CCDC68: variants seen among roughly 807,000 people sequenced by gnomAD.
CCDC68 encodes coiled-coil domain-containing protein 68.
CCDC68 carries 45 observed loss-of-function variants against 47.1 expected under a neutral mutation model. That is an observed-to-expected ratio of 0.96 (90% CI 0.75 to 1.23). The LOEUF (loss-of-function observed/expected upper bound fraction) is 1.23, where lower values mean the gene tolerates loss of function less well. Ranked by LOEUF, CCDC68 falls within the 50% of genes most tolerant of loss-of-function variation. CCDC68 has a pLI of 0.00. For synonymous variants in CCDC68, 131 were observed against 129.5 expected (o/e 1.01, Z -0.08); for missense variants, 353 against 373.6 (o/e 0.94, Z 0.45).
intron 7 of CCDC68, among the ~76,000 whole-genome samples, chr18:54,930,672 T>TCCCTCCC: frequency 2.0e-4 from 2 of 9,832 alleles, no homozygotes; most frequent in South Asian, 0.01. Flanking sequence ...CCTTCCTTCC[T>TCCCTCCC]TCCCTCCCTC....
intron 7 of CCDC68, among the ~76,000 whole-genome samples, chr18:54,932,847 T>C (rs1023954241): frequency 6.6e-6 from 1 of 152,300 alleles, no homozygotes; most frequent in South Asian, 2.1e-4. Flanking sequence ...GAAAGGGAGA[T>C]CTGGGAAGTT....
chr18:54,916,909 G>T (rs1242549952), intron 10 of CCDC68, among the ~76,000 whole-genome samples: 1 of 152,164 alleles, frequency 6.6e-6, no homozygotes, highest in Admixed American at 6.5e-5. Flanking sequence ...AAGATCTAAT[G>T]GTTTTATAAG....
Position 54,902,301 on chromosome 18 carries a change from T to C in CCDC68, c.*2057A>G, listed in dbSNP as rs1352256255. On this transcript the variant is annotated 3_prime_UTR_variant, in exon 12 of 12. Transcript: ENST00000591504. ...TTGACCTTAGAATAAGTTATTCTAA[T>C]GGAAATCATCAAGATTGTCAGGTCA... is the stretch of plus-strand genomic sequence containing the variant. 1 of 152,186 alleles carries C rather than the reference T, an allele frequency of 6.6e-6. No individual in the cohort carries two copies. Among genetic ancestry groups the C allele is most frequent in the Non-Finnish European group, 1.5e-5 (1 of 68,020 alleles). 9.4% of individuals were successfully genotyped at this position (152,186 alleles called of 1,614,324 possible). A position where few individuals can be genotyped will look rare whatever the true frequency, so the allele number is the denominator to read the frequency against.
intron 1 of CCDC68, among the ~76,000 whole-genome samples, chr18:54,952,379 G>T (rs2044633523): frequency 6.6e-6 from 1 of 152,168 alleles, no homozygotes; most frequent in Non-Finnish European, 1.5e-5. Context: ...TTCTGAGCTT[G>T]TCCTGGATTA....
chr18:54,919,033 A>G (rs550710041), intron 9 of CCDC68, among the ~76,000 whole-genome samples: 1 of 152,374 alleles, frequency 6.6e-6, no homozygotes, highest in African/African-American at 2.4e-5. Context: ...TCACTGAAAC[A>G]TCTAAAAAAC....
Position 54,904,273 on chromosome 18 carries a change from C to A in CCDC68, c.*85G>T. 1 of 1,060,726 alleles carries A rather than the reference C, an allele frequency of 9.4e-7. No homozygotes were observed. Among genetic ancestry groups the A allele is most frequent in the South Asian group, 1.4e-5 (1 of 73,562 alleles). 65.7% of individuals were successfully genotyped at this position (1,060,726 alleles called of 1,614,324 possible). ...TTCCATTTAAATAATGGCATTTTGCCATTTTAACATGAAACTTGGGCTGTG... is the reference window on the plus strand; with the variant it reads ...TTCCATTTAAATAATGGCATTTTGCAATTTTAACATGAAACTTGGGCTGTG... On this transcript the variant is annotated 3_prime_UTR_variant, in exon 12 of 12. Coordinates refer to ENST00000591504, the MANE Select transcript of CCDC68 (RefSeq NM_025214.3).
At chr18:54,918,808 C>T (rs1391775564) in intron 9 of CCDC68, among the ~76,000 whole-genome samples, 1 of 152,218 alleles carries the variant, frequency 6.6e-6, no homozygotes, top group Non-Finnish European at 1.5e-5. Context: ...CGCCATCTAG[C>T]TGGCTGTTAC....
intron 11 of CCDC68, among the ~76,000 whole-genome samples, 171 bp downstream of exon 11, chr18:54,907,615 G>A (rs1914087283): frequency 6.6e-6 from 1 of 152,106 alleles, no homozygotes; most frequent in Non-Finnish European, 1.5e-5. Flanking sequence ...TAGGCTTTGA[G>A]GATTAAATGA....
chr18:54,925,007 G>T (rs982823270), intron 8 of CCDC68, among the ~76,000 whole-genome samples: 2 of 152,082 alleles, frequency 1.3e-5, no homozygotes, highest in Non-Finnish European at 2.9e-5. Flanking sequence ...ATTATTCAGG[G>T]TTCTTTTTAT....
chr18:54,919,493 G>A, intron 8 of CCDC68, 117 bp from the exon 9 acceptor site: 1 of 837,110 alleles, frequency 1.2e-6, no homozygotes, highest in African/African-American at 1.6e-5. Flanking sequence ...AGTTGGGTAA[G>A]ACCCCGGGGC....
chr18:54,941,838 C>G (rs976944380), intron 3 of CCDC68, among the ~76,000 whole-genome samples: 5 of 151,956 alleles, frequency 3.3e-5, no homozygotes, highest in Non-Finnish European at 2.9e-5. Context: ...CTCTGTTGCC[C>G]AGGCTGGAGT....
chr18:54,921,413 C>T (rs1207361592), intron 8 of CCDC68, among the ~76,000 whole-genome samples: 1 of 152,084 alleles, frequency 6.6e-6, no homozygotes, highest in Non-Finnish European at 1.5e-5. Flanking sequence ...GGAAAGAAAA[C>T]AAAAGAAGTT....
chr18:54,950,528 G>A (rs1359403510), intron 1 of CCDC68, among the ~76,000 whole-genome samples: 1 of 152,044 alleles, frequency 6.6e-6, no homozygotes, highest in Non-Finnish European at 1.5e-5. Flanking sequence ...TTTCAAATAA[G>A]AATCCAAACT....
At chr18:54,934,174 A>G (rs1020683444) in intron 7 of CCDC68, among the ~76,000 whole-genome samples, 3 of 152,350 alleles carry the variant, frequency 2.0e-5, no homozygotes, top group Admixed American at 2.0e-4. Context: ...TCCAAATTCT[A>G]AATTCTATGG....
At chr18:54,934,217 G>A (rs1277507454) in intron 7 of CCDC68, among the ~76,000 whole-genome samples, 6 of 152,124 alleles carry the variant, frequency 3.9e-5, no homozygotes, top group African/African-American at 1.4e-4. Context: ...TTCACCTTTT[G>A]TGTATATTTT....
intron 10 of CCDC68, among the ~76,000 whole-genome samples, chr18:54,915,746 T>A (rs537566994): frequency 6.6e-6 from 1 of 152,066 alleles, no homozygotes; most frequent in Non-Finnish European, 1.5e-5. Flanking sequence ...CTGGCCAACA[T>A]GGTGAAACCC....
chr18:54,953,511 TACACACAC>T (rs140232651), intron 1 of CCDC68, among the ~76,000 whole-genome samples: 10,812 of 147,708 alleles, frequency 0.073, 646 homozygotes, highest in African/African-American at 0.16. Flanking sequence ...TATATATACA[TACACACAC>T]ACACACACAC....
intron 10 of CCDC68, among the ~76,000 whole-genome samples, chr18:54,912,901 AC>A (rs1404633941): frequency 6.6e-6 from 1 of 152,206 alleles, no homozygotes; most frequent in Non-Finnish European, 1.5e-5. Flanking sequence ...AGACTTATTC[AC>A]TACCATGAGA....
At chr18:54,905,118 T>A (rs1280777492) in intron 11 of CCDC68, among the ~76,000 whole-genome samples, 6 of 150,974 alleles carry the variant, frequency 4.0e-5, no homozygotes. Context: ...TAGCCAGGTG[T>A]GATAGTGTGC....
Sources: gnomAD v4.1 joint callset for allele counts (sites outside exome capture counted in the v4.1 genomes callset) on GRCh38, gnomAD v4.1.1 for gene constraint, MANE v1.5 for transcripts, NCBI Gene and HGNC (gene_info 2026-07-23, HGNC 2026-07-21) for gene names.